The following CEP126 variants were observed in gnomAD, a reference collection of about 807,000 sequenced individuals.
The protein encoded by CEP126 is centrosomal protein 126.
In CEP126, 74 loss-of-function variants were observed where a neutral mutation model predicts 107.8. The ratio of observed to expected loss-of-function variants is 0.69; its 90% CI spans 0.57 to 0.83. CEP126 has a LOEUF of 0.83. Among genes scored for constraint, CEP126 ranks in the 40% least tolerant of loss-of-function variants. The pLI is 0.00. For synonymous variants in CEP126, 449 were observed against 446.0 expected, an observed-to-expected ratio of 1.01 and a Z score of -0.08; for missense variants, 1,237 against 1,281.9, an observed-to-expected ratio of 0.96 and a Z score of 0.53.
rs567350406 is a variant in CEP126, at chr11:101,956,450, A to G, written c.507-1718A>G. On this transcript the variant is annotated intron_variant, in intron 4 of 10. Coordinates refer to ENST00000263468, the MANE Select transcript of CEP126 (RefSeq NM_020802.4). ...TGTTCCACAAGCCACAGCATTGTCA[A>G]ATCAGCCCGAGGCCTTTGCAGATCA... The G allele has an allele frequency of 1.5e-3, 687 of 456,436 alleles. 9 individuals carry two copies. The highest frequency in any genetic ancestry group is 0.01 in the South Asian group (661 of 64,564). The allele number at this position is 456,436 out of a possible 1,614,324, so 28.3% of individuals were successfully genotyped here.
rs181832484 is a variant in CEP126, at chr11:101,949,007, A to G, written c.506+865A>G. On this transcript the variant is annotated intron_variant, in intron 4 of 10. Transcript: ENST00000263468. ...AAGTAAATGTATCCTCTTGATCCTA[A>G]TTAGAGTTCAGGAAAGACCTCATGG... 7.2e-5 allele frequency among the ~76,000 whole-genome samples: 11 copies of G among 152,338 alleles called. No individual in the cohort carries two copies. The East Asian group carries it at 1.7e-3, about 24-fold the overall frequency.
At chr11:101,997,080 C>CA (rs1289681340) in intron 10 of CEP126, among the ~76,000 whole-genome samples, 5 of 152,158 alleles carry the variant, frequency 3.3e-5, no homozygotes, top group African/African-American at 1.2e-4. Flanking sequence ...CTCTGTCACC[C>CA]AGGCTGGAGT....
intron 2 of CEP126, among the ~76,000 whole-genome samples, chr11:101,930,651 T>TTAGTCCATTTTA (rs1471845684): frequency 2.6e-5 from 4 of 152,190 alleles, no homozygotes; most frequent in Non-Finnish European, 5.9e-5. Flanking sequence ...GTCCTGCTGA[T>TTAGTCCATTTTA]TAGTCCATTT....
chr11:101,965,379 C>G (rs997656421), intron 6 of CEP126, among the ~76,000 whole-genome samples: 1 of 152,164 alleles, frequency 6.6e-6, no homozygotes, highest in Non-Finnish European at 1.5e-5. Context: ...TTGTGTAATT[C>G]ATCACAGTAT....
intron 8 of CEP126, among the ~76,000 whole-genome samples, chr11:101,982,706 C>A (rs1163349164): frequency 6.6e-6 from 1 of 152,074 alleles, no homozygotes; most frequent in Non-Finnish European, 1.5e-5. Context: ...TCTGTTCATT[C>A]AGTAAATGAT....
In CEP126 at chr11:101,985,899, G is replaced by A. The variant is rs187991554; in HGVS notation, c.3035-933G>A. ...AGAAACATTTGTTTCATTTTCTTCT[G>A]CTTTAATTAATGGGTTGATTCCTTA... On this transcript the variant is annotated intron_variant, in intron 8 of 10. Coordinates refer to ENST00000263468, the MANE Select transcript of CEP126 (RefSeq NM_020802.4). Among the ~76,000 whole-genome samples the A allele has an allele frequency of 2.7e-3, 406 of 150,938 alleles. 2 individuals carry two copies. Among genetic ancestry groups the A allele is most frequent in the African/African-American group, 9.5e-3 (389 of 41,090 alleles).
In CEP126 at chr11:101,961,847, A is replaced by C. The variant is rs1342494931; in HGVS notation, c.812A>C (p.Glu271Ala). 2 of 1,609,274 alleles carry C rather than the reference A, an allele frequency of 1.2e-6. No individual in the cohort carries two copies. The highest frequency in any genetic ancestry group is 1.7e-5 in the Admixed American group (1 of 59,942). The change falls in exon 6 of 11, where the codon GAG becomes GCG. Residue 271 changes from glutamate to alanine, a missense_variant. Around this residue, in one of 3 missense-constraint regions of CEP126, gnomAD observed 1,134 missense variants for 1,150.5 expected, o/e 0.99. Transcript: ENST00000263468. The part of the protein sequence containing the change: ...HEEIYLTLNK[E>A]HSTSIQRNTI... ...GAAATATATTTAACACTTAATAAGG[A>C]GCATTCCACATCCATCCAGCGGAAT... is the stretch of plus-strand genomic sequence containing the variant.
At chr11:101,955,899 G>T in intron 4 of CEP126, 1 of 456,208 alleles carries the variant, frequency 2.2e-6, no homozygotes, top group Non-Finnish European at 4.4e-6. Flanking sequence ...ATTCTTCCTA[G>T]CTACCCAACT....
intron 5 of CEP126, among the ~76,000 whole-genome samples, chr11:101,959,526 A>G (rs1205299678): frequency 6.6e-6 from 1 of 152,180 alleles, no homozygotes; most frequent in Non-Finnish European, 1.5e-5. Context: ...CATTCAATCA[A>G]AACTTACTAG....
At chr11:101,979,278 ATGT>A (rs1941228708) in intron 7 of CEP126, among the ~76,000 whole-genome samples, 1 of 152,200 alleles carries the variant, frequency 6.6e-6, no homozygotes, top group African/African-American at 2.4e-5. Flanking sequence ...ATTGATAATG[ATGT>A]TGTTTTGGGG....
intron 8 of CEP126, among the ~76,000 whole-genome samples, chr11:101,985,069 C>T (rs1014190603): frequency 1.3e-5 from 2 of 152,108 alleles, no homozygotes. Flanking sequence ...GGTGTAAGAA[C>T]ATTATTGCTT....
chr11:101,982,853 A>G lies in CEP126; in HGVS notation c.3034+889A>G, dbSNP rs541563353. Among the ~76,000 whole-genome samples the G allele has an allele frequency of 3.4e-4, 52 of 152,294 alleles. 1 individual carries two copies. The highest frequency in any genetic ancestry group is 3.4e-3 in the Middle Eastern group (1 of 294). ...CCTGACATGATACCACAAATGGAAA[A>G]TTTTACACCTGACTTCATATGATGG... On this transcript the variant is annotated intron_variant, in intron 8 of 10. Transcript: ENST00000263468.
chr11:101,997,486 G>GA, intron 10 of CEP126, 113 bp from the exon 11 acceptor site: 1 of 1,530,888 alleles, frequency 6.5e-7, no homozygotes. Context: ...CATTACCTGG[G>GA]AGAATGATGT....
At chr11:101,949,620 G>A (rs1940783022) in intron 4 of CEP126, among the ~76,000 whole-genome samples, 1 of 152,084 alleles carries the variant, frequency 6.6e-6, no homozygotes, top group East Asian at 1.9e-4. Flanking sequence ...ATGAAAACTA[G>A]GGAAGGATAA....
intron 6 of CEP126, among the ~76,000 whole-genome samples, chr11:101,975,411 G>A (rs1401165159): frequency 6.6e-6 from 1 of 152,126 alleles, no homozygotes; most frequent in African/African-American, 2.4e-5. Flanking sequence ...ATTTCTGTGA[G>A]ACACAATCAA....
chr11:101,927,451 A>G (rs994577759), intron 2 of CEP126, among the ~76,000 whole-genome samples: 2 of 152,200 alleles, frequency 1.3e-5, no homozygotes. Flanking sequence ...GCAAAACTAT[A>G]TAGTACAATA....
chr11:101,956,011 TA>T (rs1565358742), intron 4 of CEP126: 1 of 456,490 alleles, frequency 2.2e-6, no homozygotes, highest in Admixed American at 2.3e-5. Context: ...CTTACCCAAT[TA>T]AATATCATCC....
chr11:101,995,988 C>G (rs1288711624), intron 10 of CEP126, among the ~76,000 whole-genome samples: 2 of 152,134 alleles, frequency 1.3e-5, no homozygotes, highest in Non-Finnish European at 2.9e-5. Flanking sequence ...GAAATTTTGG[C>G]CACAAAAGAA....
rs144456041 is a variant in CEP126 at position 101,962,693 on chromosome 11, A to G, written c.1658A>G (p.Tyr553Cys). The change falls in exon 6 of 11, where the codon TAT becomes TGT. Residue 553 changes from tyrosine (Y) to cysteine (C), a missense_variant. Tyr to Cys is a radical substitution (Grantham distance 194, BLOSUM62 -2). This residue lies in a region of CEP126 where 1,134 missense variants were observed against 1,150.5 expected (regional missense o/e 0.99). Coordinates refer to ENST00000263468, the MANE Select transcript of CEP126 (RefSeq NM_020802.4). ...TSSLSNVTSNYDFVGQHKKMK... is the reference protein window; with the variant it reads ...TSSLSNVTSNCDFVGQHKKMK... Reference sequence around the variant, plus strand: ...TCCTTGTCTAATGTAACTTCTAATTATGACTTTGTTGGCCAGCATAAGAAA... The same window carrying G: ...TCCTTGTCTAATGTAACTTCTAATTGTGACTTTGTTGGCCAGCATAAGAAA... 5.0e-6 allele frequency: 8 copies of G among 1,613,242 alleles called. No homozygotes were observed. In the South Asian group the frequency reaches 5.5e-5, roughly 11 times the overall value.
Sources: allele counts gnomAD v4.1 joint callset (sites outside exome capture counted in the v4.1 genomes callset), GRCh38; gene constraint gnomAD v4.1.1; regional missense constraint gnomAD v4.1.1; transcripts MANE v1.5; gene names NCBI Gene and HGNC (gene_info 2026-07-23, HGNC 2026-07-21).